TMEM132C: variants seen among roughly 807,000 people sequenced by gnomAD.
The protein encoded by TMEM132C is transmembrane protein 132C.
TMEM132C carries 29 observed loss-of-function variants against 61.4 expected under a neutral mutation model. The ratio of observed to expected loss-of-function variants is 0.47; its 90% CI spans 0.35 to 0.64. TMEM132C has a LOEUF of 0.64. Ranked by LOEUF, TMEM132C falls within the 30% of genes least tolerant of loss-of-function variation. The pLI is 0.00. For synonymous variants in TMEM132C, 656 were observed against 633.1 expected (o/e 1.04, Z -0.54); for missense variants, 1,408 against 1,476.9 (o/e 0.95, Z 0.76).
At chr12:128,296,431 G>A (rs796953533) in intron 1 of TMEM132C, among the ~76,000 whole-genome samples, 7 of 152,260 alleles carry the variant, frequency 4.6e-5, no homozygotes, top group African/African-American at 1.7e-4. Context: ...TGTTCTCATG[G>A]TCACAGGAGA....
intron 2 of TMEM132C, chr12:128,438,900 T>C (rs1164075488): frequency 6.6e-6 from 1 of 152,222 alleles, no homozygotes; most frequent in Non-Finnish European, 1.5e-5. Context: ...TGCACGCCAA[T>C]GTAAGCCTGA....
At chr12:128,534,931 G>A (rs1343045202) in intron 2 of TMEM132C, among the ~76,000 whole-genome samples, 3 of 152,212 alleles carry the variant, frequency 2.0e-5, no homozygotes, top group Non-Finnish European at 4.4e-5. Context: ...TGTAGCTTCA[G>A]TGAAATCTGA....
chr12:128,521,636 T>A (rs1007984046), intron 2 of TMEM132C, among the ~76,000 whole-genome samples: 3 of 152,120 alleles, frequency 2.0e-5, no homozygotes, highest in African/African-American at 7.2e-5. Context: ...CCATCCTTGA[T>A]TTGGTTAGAA....
intron 8 of TMEM132C, among the ~76,000 whole-genome samples, chr12:128,702,629 A>C: frequency 6.6e-6 from 1 of 152,116 alleles, no homozygotes; most frequent in Non-Finnish European, 1.5e-5. Context: ...GTTCTGAAGG[A>C]GGTTGTATTT....
intron 1 of TMEM132C, among the ~76,000 whole-genome samples, chr12:128,341,725 T>C (rs1274399296): frequency 6.6e-6 from 1 of 152,184 alleles, no homozygotes; most frequent in Non-Finnish European, 1.5e-5. Flanking sequence ...GGTGCAGCCA[T>C]TTTGGGGGAT....
In TMEM132C at chr12:128,639,575, T is replaced by G. The variant is rs189507996; in HGVS notation, c.1305+23240T>G. Among the ~76,000 whole-genome samples the G allele has an allele frequency of 3.7e-3, 566 of 152,258 alleles. 2 individuals carry two copies. Among genetic ancestry groups the G allele is most frequent in the African/African-American group, 0.013 (534 of 41,532 alleles). On this transcript the variant is annotated intron_variant, in intron 4 of 8. Coordinates refer to ENST00000435159, the MANE Select transcript of TMEM132C (RefSeq NM_001136103.3). Reference sequence around the variant, plus strand: ...GACCCAAAAGAAGGTGACAATAAATTGAAGGGATTGACTTCTTTCCTTTCT... The same window carrying G: ...GACCCAAAAGAAGGTGACAATAAATGGAAGGGATTGACTTCTTTCCTTTCT...
chr12:128,425,749 G>A (rs1332819350), intron 2 of TMEM132C, among the ~76,000 whole-genome samples: 4 of 152,090 alleles, frequency 2.6e-5, no homozygotes, highest in Admixed American at 6.5e-5. Context: ...TCTCTCCAAC[G>A]CCTGCCCCTG....
intron 1 of TMEM132C, among the ~76,000 whole-genome samples, chr12:128,282,001 A>C (rs1308295274): frequency 6.6e-6 from 1 of 152,234 alleles, no homozygotes; most frequent in East Asian, 1.9e-4. Flanking sequence ...CACCTATACA[A>C]ATAAAAACTA....
chr12:128,641,791 ATT>A (rs1565999952), intron 4 of TMEM132C, among the ~76,000 whole-genome samples: 1 of 152,032 alleles, frequency 6.6e-6, no homozygotes, highest in Non-Finnish European at 1.5e-5. Context: ...TCCCGTTTTT[ATT>A]TTTTAAGTTT....
intron 2 of TMEM132C, among the ~76,000 whole-genome samples, chr12:128,456,745 C>G (rs1870358207): frequency 6.6e-6 from 1 of 152,024 alleles, no homozygotes; most frequent in Non-Finnish European, 1.5e-5. Flanking sequence ...CCCATGTAAC[C>G]CATACCTCTA....
intron 2 of TMEM132C, among the ~76,000 whole-genome samples, chr12:128,433,906 G>A (rs182925267): frequency 1.8e-4 from 27 of 152,352 alleles, no homozygotes; most frequent in Middle Eastern, 6.8e-3. Flanking sequence ...GACAGAGATG[G>A]AACTAAGAGA....
chr12:128,489,950 CGTT>C (rs1871656404), intron 2 of TMEM132C, among the ~76,000 whole-genome samples: 1 of 152,108 alleles, frequency 6.6e-6, no homozygotes, highest in African/African-American at 2.4e-5. Context: ...CCACCAAAAT[CGTT>C]GTGTTTGCAG....
intron 2 of TMEM132C, among the ~76,000 whole-genome samples, chr12:128,473,374 A>AG: frequency 7.4e-6 from 1 of 135,192 alleles, no homozygotes. Context: ...CTCTATCTTC[A>AG]TCTTCACTCG....
intron 1 of TMEM132C, among the ~76,000 whole-genome samples, chr12:128,399,596 A>G (rs1251604267): frequency 3.9e-5 from 6 of 152,148 alleles, no homozygotes; most frequent in Non-Finnish European, 8.8e-5. Context: ...TTTTCAATCA[A>G]AGAGGTAAAC....
At chr12:128,610,297 A>G (rs1593119405) in intron 3 of TMEM132C, among the ~76,000 whole-genome samples, 3 of 152,198 alleles carry the variant, frequency 2.0e-5, no homozygotes, top group Admixed American at 1.3e-4. Flanking sequence ...TAAGCTGTCA[A>G]CCAACTTTGG....
At chr12:128,368,772 A>G (rs1421504671) in intron 1 of TMEM132C, among the ~76,000 whole-genome samples, 1 of 152,174 alleles carries the variant, frequency 6.6e-6, no homozygotes, top group Non-Finnish European at 1.5e-5. Context: ...CTCACATCCA[A>G]GACAAGCACT....
chr12:128,505,235 C>G (rs1239174212), intron 2 of TMEM132C, among the ~76,000 whole-genome samples: 3 of 152,160 alleles, frequency 2.0e-5, no homozygotes, highest in Non-Finnish European at 1.5e-5. Context: ...ACAGACAGAT[C>G]AAGGTGCCGG....
At chr12:128,584,056 A>G (rs1875449613) in intron 3 of TMEM132C, among the ~76,000 whole-genome samples, 1 of 152,252 alleles carries the variant, frequency 6.6e-6, no homozygotes, top group African/African-American at 2.4e-5. Flanking sequence ...GGATGAAGAC[A>G]GCTCCTGCCA....
intron 4 of TMEM132C, among the ~76,000 whole-genome samples, chr12:128,644,312 A>G (rs933403955): frequency 1.3e-5 from 2 of 152,276 alleles, no homozygotes; most frequent in African/African-American, 4.8e-5. Context: ...AACATTATTC[A>G]TAATCTCCAA....
Sources: gnomAD v4.1 joint callset for allele counts (sites outside exome capture counted in the v4.1 genomes callset) on GRCh38, gnomAD v4.1.1 for gene constraint, MANE v1.5 for transcripts, NCBI Gene and HGNC (gene_info 2026-07-23, HGNC 2026-07-21) for gene names.